Variants in PALM2AKAP2 observed in about 807,000 individuals in gnomAD.
PALM2AKAP2 encodes the protein PALM2 and AKAP2 fusion.
A neutral mutation model predicts 71.5 loss-of-function variants in PALM2AKAP2; 37 were observed. That is an observed-to-expected ratio of 0.52 (90% CI 0.40 to 0.68). The LOEUF is 0.68. Ranked by LOEUF, PALM2AKAP2 falls within the 30% of genes least tolerant of loss-of-function variation. The probability of loss-of-function intolerance (pLI) is 0.00; values close to 1 mark genes in which losing one functional copy is unlikely to be tolerated. For synonymous variants in PALM2AKAP2, 468 were observed against 478.8 expected (o/e 0.98, Z 0.29); for missense variants, 1,224 against 1,191.8 (o/e 1.03, Z -0.40).
chr9:109,920,483 G>A (rs928358907), intron 3 of PALM2AKAP2, among the ~76,000 whole-genome samples: 11 of 151,588 alleles, frequency 7.3e-5, no homozygotes, highest in Non-Finnish European at 1.2e-4. Context: ...GGGTTCAAGC[G>A]GTTCTCCTGC....
intron 2 of PALM2AKAP2, 83 bp from the exon 9 acceptor site, chr9:110,156,236 G>A (rs1453725141): frequency 6.2e-6 from 9 of 1,458,314 alleles, no homozygotes; most frequent in Non-Finnish European, 8.2e-6. Context: ...AGAGGTTGTT[G>A]CTCTTTTATT....
At chr9:110,113,252 T>A (rs1835289545) in intron 1 of PALM2AKAP2, among the ~76,000 whole-genome samples, 1 of 151,398 alleles carries the variant, frequency 6.6e-6, no homozygotes, top group Middle Eastern at 3.4e-3. Flanking sequence ...TCTTTTTTTT[T>A]TTTTTGAGAT....
At chr9:110,041,622 A>G (rs1360131495) in intron 7 of PALM2AKAP2, among the ~76,000 whole-genome samples, 1 of 152,242 alleles carries the variant, frequency 6.6e-6, no homozygotes, top group African/African-American at 2.4e-5. Flanking sequence ...AAAGAAACTT[A>G]CTTGGGCACA....
chr9:109,679,948 G>C (rs1001202983), intron 1 of PALM2AKAP2, among the ~76,000 whole-genome samples: 2 of 152,114 alleles, frequency 1.3e-5, no homozygotes, highest in African/African-American at 4.8e-5. Flanking sequence ...AAATTACCTT[G>C]ATCATTCTGA....
chr9:110,084,612 A>G (rs1403492943), intron 1 of PALM2AKAP2, among the ~76,000 whole-genome samples: 2 of 152,216 alleles, frequency 1.3e-5, no homozygotes, highest in Admixed American at 6.5e-5. Context: ...TAGATTACTT[A>G]TGATAGCTAA....
upstream of PALM2AKAP2, among the ~76,000 whole-genome samples, chr9:109,778,119 A>T (rs941269612): frequency 8.5e-5 from 13 of 152,254 alleles, no homozygotes; most frequent in African/African-American, 2.9e-4. Flanking sequence ...GACAGTAAGT[A>T]CATTCACACT....
intron 6 of PALM2AKAP2, among the ~76,000 whole-genome samples, chr9:109,958,635 A>T (rs1015076814): frequency 6.6e-6 from 1 of 152,060 alleles, no homozygotes; most frequent in Non-Finnish European, 1.5e-5. Context: ...AGAAAGAAGG[A>T]AGGAGGGACA....
exon 4 of PALM2AKAP2, chr9:110,168,434 C>T (rs376260015): frequency 1.5e-5 from 24 of 1,614,020 alleles, no homozygotes; most frequent in East Asian, 8.9e-5. Context: ...GAAGAAAGAG[C>T]GCACTGGCTT....
At chr9:109,729,053 C>A (rs1828515724) in intron 1 of PALM2AKAP2, among the ~76,000 whole-genome samples, 1 of 152,116 alleles carries the variant, frequency 6.6e-6, no homozygotes, top group African/African-American at 2.4e-5. Context: ...TACGTTTTTT[C>A]AAATCCTGTT....
At chr9:109,914,436 T>C (rs1475505079) in intron 3 of PALM2AKAP2, among the ~76,000 whole-genome samples, 1 of 152,204 alleles carries the variant, frequency 6.6e-6, no homozygotes, top group African/African-American at 2.4e-5. Context: ...AGGAATGACA[T>C]TGCTTTGAGA....
intron 1 of PALM2AKAP2, among the ~76,000 whole-genome samples, chr9:109,790,469 C>T (rs1422308771): frequency 2.0e-5 from 3 of 152,160 alleles, no homozygotes; most frequent in Admixed American, 2.0e-4. Context: ...TGCTTGAAAA[C>T]TTAACCCCTT....
intron 1 of PALM2AKAP2, among the ~76,000 whole-genome samples, chr9:109,759,346 T>G (rs1328844747): frequency 6.6e-6 from 1 of 152,116 alleles, no homozygotes; most frequent in African/African-American, 2.4e-5. Flanking sequence ...GTTTTGTAAG[T>G]GTACATGTAA....
intron 1 of PALM2AKAP2, among the ~76,000 whole-genome samples, chr9:109,654,416 A>G (rs1434759017): frequency 2.0e-5 from 3 of 152,200 alleles, no homozygotes; most frequent in African/African-American, 7.2e-5. Context: ...TTTCATTGTA[A>G]TGGGAGCTAA....
intron 2 of PALM2AKAP2, among the ~76,000 whole-genome samples, chr9:110,144,079 AC>A (rs1836102724): frequency 1.3e-5 from 2 of 152,380 alleles, no homozygotes; most frequent in East Asian, 3.9e-4. Context: ...GACTGTCCAC[AC>A]ATTCTTCATG....
At chr9:110,147,621 A>T (rs981980347) in intron 2 of PALM2AKAP2, among the ~76,000 whole-genome samples, 11 of 152,184 alleles carry the variant, frequency 7.2e-5, no homozygotes, top group African/African-American at 2.2e-4. Flanking sequence ...ACGGGGGGAA[A>T]AAATAGCTGA....
At chr9:110,045,577 T>C (rs1833581599), upstream of PALM2AKAP2, among the ~76,000 whole-genome samples, 1 of 150,388 alleles carries the variant, frequency 6.6e-6, no homozygotes, top group African/African-American at 2.5e-5. Flanking sequence ...TTTTTCTTTC[T>C]CTTTTTTTTT....
intron 1 of PALM2AKAP2, among the ~76,000 whole-genome samples, chr9:110,118,197 A>G (rs934606146): frequency 4.6e-5 from 4 of 87,004 alleles, no homozygotes; most frequent in African/African-American, 1.7e-4. Flanking sequence ...CCATGTATAT[A>G]TACAGAAATA....
At chr9:109,941,819 G>A (rs1831377686) in intron 6 of PALM2AKAP2, among the ~76,000 whole-genome samples, 1 of 152,232 alleles carries the variant, frequency 6.6e-6, no homozygotes, top group African/African-American at 2.4e-5. Flanking sequence ...GGGGCAAGGG[G>A]AGGGGGAGAC....
At chr9:109,716,924 G>A (rs1026157005) in intron 1 of PALM2AKAP2, among the ~76,000 whole-genome samples, 15 of 152,104 alleles carry the variant, frequency 9.9e-5, no homozygotes, top group Admixed American at 7.2e-4. Context: ...AGAAGGGCAG[G>A]GCTGGCTTGC....
Sources: allele counts gnomAD v4.1 joint callset (sites outside exome capture counted in the v4.1 genomes callset), GRCh38; gene constraint gnomAD v4.1.1; transcripts MANE v1.5; gene names NCBI Gene and HGNC (gene_info 2026-07-23, HGNC 2026-07-21).